The following CASP6 variants were observed in gnomAD, a reference collection of about 807,000 sequenced individuals.
The protein encoded by CASP6 is caspase-6.
A neutral mutation model predicts 31.8 loss-of-function variants in CASP6; 20 were observed. That is an observed-to-expected ratio of 0.63 (90% CI 0.44 to 0.91). The LOEUF (loss-of-function observed/expected upper bound fraction) is 0.91, where lower values mean the gene tolerates loss of function less well. CASP6 is among the 40% of genes least tolerant of loss of function. CASP6 has a pLI of 0.00. For missense variants in CASP6, 328 were observed against 361.1 expected (o/e 0.91, Z 0.74); for synonymous variants, 130 against 127.8 (o/e 1.02, Z -0.12).
At chr4:109,698,882 G>A (rs1244876058) in intron 1 of CASP6, among the ~76,000 whole-genome samples, 1 of 152,194 alleles carries the variant, frequency 6.6e-6, no homozygotes, top group African/African-American at 2.4e-5. Context: ...CCTGTAAGGG[G>A]AGCCCTCTGC....
chr4:109,666,735 C>G, the CASP6 span, among the ~76,000 whole-genome samples: 1 of 152,130 alleles, frequency 6.6e-6, no homozygotes, highest in Non-Finnish European at 1.5e-5. Context: ...GGCTTGCTTT[C>G]TCATTGTCTT....
intron 1 of CASP6, 65 bp downstream of exon 1, chr4:109,703,291 C>A: frequency 6.4e-7 from 1 of 1,553,470 alleles, no homozygotes. Context: ...CACTAACCCT[C>A]GTTTCCCCTC....
rs774948012 is a variant in CASP6 at position 109,703,424 on chromosome 4, G to A, written c.-29C>T. On this transcript the variant is annotated 5_prime_UTR_variant, in exon 1 of 7. Transcript: ENST00000265164. ...AGCCAAACGCGCAGCCAGACACCTT[G>A]CCCTCCTCTTCCTGAAGCCACAGGC... 9.9e-6 allele frequency: 16 copies of A among 1,609,238 alleles called. No individual in the cohort carries two copies. The highest frequency in any genetic ancestry group is 1.4e-5 in the Non-Finnish European group (16 of 1,178,210).
downstream of CASP6, chr4:109,684,953 G>T (rs1361608934): frequency 1.3e-5 from 5 of 387,784 alleles, no homozygotes; most frequent in South Asian, 5.9e-5. Flanking sequence ...AGTAACATCA[G>T]CTTTGCCTCA....
upstream of CASP6, among the ~76,000 whole-genome samples, chr4:109,707,128 C>T (rs780583606): frequency 6.6e-6 from 1 of 152,122 alleles, no homozygotes; most frequent in African/African-American, 2.4e-5. Flanking sequence ...TGTTATTGCA[C>T]ACTTAACAGA....
upstream of CASP6, among the ~76,000 whole-genome samples, chr4:109,708,320 A>G (rs1730660380): frequency 1.3e-5 from 2 of 152,194 alleles, no homozygotes; most frequent in Admixed American, 6.5e-5. Flanking sequence ...GGTGGTTGTG[A>G]TGATTGGGTT....
At chr4:109,690,206 C>T (rs1729996932) in intron 6 of CASP6, among the ~76,000 whole-genome samples, 1 of 146,490 alleles carries the variant, frequency 6.8e-6, no homozygotes, top group Admixed American at 6.9e-5. Context: ...TACACACACA[C>T]ACACACGTCT....
intron 4 of CASP6, among the ~76,000 whole-genome samples, chr4:109,695,894 A>G (rs774682472): frequency 6.6e-6 from 1 of 152,218 alleles, no homozygotes; most frequent in Non-Finnish European, 1.5e-5. Context: ...CAGTTTAAAG[A>G]AGAGCTCTGA....
At chr4:109,678,156 T>A in the CASP6 span, among the ~76,000 whole-genome samples, 1 of 152,078 alleles carries the variant, frequency 6.6e-6, no homozygotes, top group Admixed American at 6.6e-5. Flanking sequence ...ATTAACAGCA[T>A]CCCAAGGCAG....
upstream of CASP6, among the ~76,000 whole-genome samples, chr4:109,706,634 G>A (rs1001350190): frequency 6.6e-6 from 1 of 152,148 alleles, no homozygotes; most frequent in Non-Finnish European, 1.5e-5. Context: ...TTAGTGAATG[G>A]AACAATCAAT....
chr4:109,695,658 T>C (rs1196471480), intron 4 of CASP6, among the ~76,000 whole-genome samples: 1 of 151,634 alleles, frequency 6.6e-6, no homozygotes, highest in Admixed American at 6.6e-5. Context: ...GGAGAATTGC[T>C]TGAACCCAGG....
chr4:109,697,859 G>C, intron 2 of CASP6, 91 bp from the exon 3 acceptor site: 1 of 1,405,672 alleles, frequency 7.1e-7, no homozygotes, highest in Non-Finnish European at 9.7e-7. Context: ...ATAGAGATCT[G>C]AGCTTCCTCC....
chr4:109,701,126 T>A (rs1349537820), intron 1 of CASP6, among the ~76,000 whole-genome samples: 2 of 151,418 alleles, frequency 1.3e-5, no homozygotes, highest in Non-Finnish European at 2.9e-5. Context: ...CCCAGCTACT[T>A]TTTTTTTGTA....
the CASP6 span, among the ~76,000 whole-genome samples, chr4:109,669,676 A>C: frequency 6.7e-6 from 1 of 148,588 alleles, no homozygotes; most frequent in African/African-American, 2.5e-5. Flanking sequence ...GCTGTCCTAA[A>C]GTTCTTAGAT....
chr4:109,692,632 G>GC (rs1730093928), intron 5 of CASP6: 1 of 152,144 alleles, frequency 6.6e-6, no homozygotes, highest in Non-Finnish European at 1.5e-5. Context: ...CCTCATGGGT[G>GC]CCCCTCGGTT....
downstream of CASP6, chr4:109,684,910 T>TAA (rs35776161): frequency 4.2e-4 from 158 of 378,494 alleles, 2 homozygotes; most frequent in Admixed American, 3.4e-3. Flanking sequence ...CCCTCATTTA[T>TAA]AAAAAAAACT....
chr4:109,681,597 G>C, the CASP6 span: 1 of 307,724 alleles, frequency 3.2e-6, no homozygotes, highest in South Asian at 2.6e-5. Context: ...ATTAGAAGTC[G>C]TGGGTCACGG....
intron 6 of CASP6, among the ~76,000 whole-genome samples, chr4:109,690,462 C>T (rs1730011062): frequency 6.6e-6 from 1 of 151,304 alleles, no homozygotes; most frequent in South Asian, 2.1e-4. Context: ...ATTGAGGCTG[C>T]AGTGAGCCAT....
chr4:109,695,226 A>C (rs1579109548), intron 4 of CASP6, among the ~76,000 whole-genome samples: 1 of 152,206 alleles, frequency 6.6e-6, no homozygotes, highest in South Asian at 2.1e-4. Context: ...AAAAAATCCA[A>C]ATTTATTAAA....
Sources: gnomAD v4.1 joint callset for allele counts (sites outside exome capture counted in the v4.1 genomes callset) on GRCh38, gnomAD v4.1.1 for gene constraint, MANE v1.5 for transcripts, NCBI Gene and HGNC (gene_info 2026-07-23, HGNC 2026-07-21) for gene names.